LAMA2: variants seen among roughly 807,000 people sequenced by gnomAD.
The protein encoded by LAMA2 is laminin subunit alpha-2.
LAMA2 carries 269 observed loss-of-function variants against 364.8 expected under a neutral mutation model. The observed-to-expected ratio is 0.74, with a 90% CI of 0.67 to 0.82. LAMA2 has a LOEUF of 0.82. Among genes scored for constraint, LAMA2 ranks in the 40% least tolerant of loss-of-function variants. The pLI, the probability that LAMA2 is intolerant of heterozygous loss-of-function variation, is 0.00. For missense variants in LAMA2, 3,807 were observed against 3,873.2 expected, an observed-to-expected ratio of 0.98 and a Z score of 0.45; for synonymous variants, 1,379 against 1,370.6, an observed-to-expected ratio of 1.01 and a Z score of -0.14.
intron 45 of LAMA2, 78 bp from the exon 46 acceptor site, chr6:129,452,909 GC>G (rs1782754889): frequency 1.6e-6 from 2 of 1,245,742 alleles, no homozygotes; most frequent in African/African-American, 3.0e-5. Context: ...AACGATGATG[GC>G]TTTGTGGTTG....
At chr6:129,349,716 A>G (rs1009897767) in intron 31 of LAMA2, among the ~76,000 whole-genome samples, 2 of 151,878 alleles carry the variant, frequency 1.3e-5, no homozygotes, top group Non-Finnish European at 2.9e-5. Flanking sequence ...AGTAGTTACT[A>G]CTAATAAGAA....
At chr6:129,232,336 C>A (rs1428506069) in intron 12 of LAMA2, among the ~76,000 whole-genome samples, 2 of 152,044 alleles carry the variant, frequency 1.3e-5, no homozygotes. Context: ...CTTATTATAG[C>A]AGTGTCTGCC....
chr6:129,465,751 A>G (rs1040911091), intron 51 of LAMA2, among the ~76,000 whole-genome samples: 1 of 151,944 alleles, frequency 6.6e-6, no homozygotes, highest in Non-Finnish European at 1.5e-5. Flanking sequence ...TGACATGTTT[A>G]TGATTCGGGG....
chr6:129,272,552 G>A (rs1434859899), intron 17 of LAMA2, among the ~76,000 whole-genome samples: 1 of 151,982 alleles, frequency 6.6e-6, no homozygotes, highest in Non-Finnish European at 1.5e-5. Context: ...CTACAATGAA[G>A]ACTTCTTTAA....
intron 29 of LAMA2, among the ~76,000 whole-genome samples, chr6:129,330,591 G>GTTTTTTTTTTTTTTTTTTTTTTT (rs1491387157): frequency 8.4e-5 from 7 of 83,790 alleles, no homozygotes; most frequent in Non-Finnish European, 9.2e-5. Flanking sequence ...GTTGTTGTTT[G>GTTTTTTTTTTTTTTTTTTTTTTT]GTTTTTGTTT....
Position 129,250,113 on chromosome 6 carries a change from T to C in LAMA2, c.1784T>C (p.Leu595Pro), listed in dbSNP as rs1372923642. 8.2e-6 allele frequency: 13 copies of C among 1,582,370 alleles called. No homozygotes were observed. Among genetic ancestry groups the C allele is most frequent in the Non-Finnish European group, 1.1e-5 (13 of 1,151,592 alleles). ...SAPAPYLGNK[L>P]PAVGGQLTFT... ...GATTATGCATCTTCTGTCTTGTAGC[T>C]CCCAGCAGTAGGAGGACAGTTGACA... The change falls in exon 13 of 65, where the codon CTC (leucine) becomes CCC (proline). Residue 595 changes from leucine (L) to proline (P), a missense_variant and splice_region_variant. Around this residue, in one of 3 missense-constraint regions of LAMA2, gnomAD observed 3,333 missense variants for 3,345.7 expected, o/e 1.00. Coordinates refer to ENST00000421865, the MANE Select transcript of LAMA2 (RefSeq NM_000426.4).
At chr6:129,089,829 G>C (rs1774704913) in intron 3 of LAMA2, among the ~76,000 whole-genome samples, 1 of 152,080 alleles carries the variant, frequency 6.6e-6, no homozygotes, top group East Asian at 1.9e-4. Context: ...TTCCAATTTG[G>C]ACTCTGCTCA....
chr6:129,139,687 A>T (rs927283372), intron 4 of LAMA2, among the ~76,000 whole-genome samples: 1 of 151,954 alleles, frequency 6.6e-6, no homozygotes, highest in African/African-American at 2.4e-5. Context: ...TGTTTTTGTT[A>T]TTTCTCCCCA....
intron 41 of LAMA2, among the ~76,000 whole-genome samples, chr6:129,434,926 A>T (rs1291548801): frequency 6.6e-6 from 1 of 152,150 alleles, no homozygotes; most frequent in East Asian, 1.9e-4. Flanking sequence ...ATTAATAAGG[A>T]TCAGAGTCAA....
At chr6:128,932,756 A>T (rs1277446055) in intron 1 of LAMA2, among the ~76,000 whole-genome samples, 4 of 152,204 alleles carry the variant, frequency 2.6e-5, no homozygotes, top group African/African-American at 9.6e-5. Context: ...TTTAATATAC[A>T]TATACATTGT....
At chr6:129,125,798 T>G (rs1464148200) in intron 4 of LAMA2, among the ~76,000 whole-genome samples, 4 of 152,166 alleles carry the variant, frequency 2.6e-5, no homozygotes, top group African/African-American at 9.7e-5. Context: ...TTTCAAATGC[T>G]CTCATCATAA....
intron 14 of LAMA2, 21 bp downstream of exon 14, chr6:129,252,316 T>G (rs758406484): frequency 1.3e-6 from 2 of 1,573,018 alleles, no homozygotes; most frequent in South Asian, 1.1e-5. Context: ...GAACTGCAGC[T>G]CCAACGTTCA....
At chr6:129,210,003 C>CAAAAAAAAAAAAAAAAAA (rs374127279) in intron 12 of LAMA2, among the ~76,000 whole-genome samples, 32 of 67,650 alleles carry the variant, frequency 4.7e-4, no homozygotes, top group Middle Eastern at 8.9e-3. Context: ...GACTCCATCT[C>CAAAAAAAAAAAAAAAAAA]AAAAAAAAAA....
chr6:129,116,162 G>C (rs1776468649), intron 4 of LAMA2, among the ~76,000 whole-genome samples: 1 of 152,072 alleles, frequency 6.6e-6, no homozygotes, highest in Non-Finnish European at 1.5e-5. Flanking sequence ...TGTAGCACAG[G>C]CTATGAAGTG....
intron 4 of LAMA2, among the ~76,000 whole-genome samples, chr6:129,135,296 A>T (rs1432471421): frequency 6.6e-6 from 1 of 152,204 alleles, no homozygotes; most frequent in Admixed American, 6.5e-5. Context: ...GACTCTCACT[A>T]GTGGTGAGCT....
chr6:129,155,207 T>C (rs550427572), intron 8 of LAMA2, among the ~76,000 whole-genome samples: 1 of 152,298 alleles, frequency 6.6e-6, no homozygotes, highest in South Asian at 2.1e-4. Context: ...AATTTTATAC[T>C]AGTTATTTTA....
chr6:129,235,016 A>T (rs1037894868), intron 12 of LAMA2, among the ~76,000 whole-genome samples: 1 of 152,186 alleles, frequency 6.6e-6, no homozygotes, highest in African/African-American at 2.4e-5. Context: ...AAGTGGGAGT[A>T]AAATCTTACA....
At chr6:129,163,259 T>C (rs1779549689) in intron 8 of LAMA2, among the ~76,000 whole-genome samples, 1 of 152,184 alleles carries the variant, frequency 6.6e-6, no homozygotes, top group South Asian at 2.1e-4. Context: ...CTCCGTTCTT[T>C]AGATTGGATC....
At chr6:128,974,904 T>G (rs1184302623) in intron 1 of LAMA2, among the ~76,000 whole-genome samples, 1 of 150,556 alleles carries the variant, frequency 6.6e-6, no homozygotes, top group African/African-American at 2.5e-5. Context: ...CAGGCTGGAG[T>G]GCAGTGGCAC....
Sources: gnomAD v4.1 joint callset for allele counts (sites outside exome capture counted in the v4.1 genomes callset) on GRCh38, gnomAD v4.1.1 for gene constraint, gnomAD v4.1.1 regional missense constraint, MANE v1.5 for transcripts, NCBI Gene and HGNC (gene_info 2026-07-23, HGNC 2026-07-21) for gene names.